The following VSX2 variants were observed in gnomAD, a reference collection of about 807,000 sequenced individuals.
VSX2 encodes the protein visual system homeobox 2.
Under a neutral mutation model 32.1 loss-of-function variants are expected in VSX2, and 28 were observed. That is an observed-to-expected ratio of 0.87 (90% CI 0.65 to 1.20). VSX2 has a LOEUF of 1.20. VSX2 is among the 50% of genes most tolerant of loss of function. The pLI, the probability that VSX2 is intolerant of heterozygous loss-of-function variation, is 0.00. For synonymous variants in VSX2, 243 were observed against 214.1 expected, an observed-to-expected ratio of 1.14 and a Z score of -1.18; for missense variants, 506 against 488.7, an observed-to-expected ratio of 1.04 and a Z score of -0.33.
At chr14:74,241,351 T>G in intron 2 of VSX2, 85 bp downstream of exon 2, 2 of 1,448,920 alleles carry the variant, frequency 1.4e-6, no homozygotes, top group South Asian at 2.3e-5. Context: ...TCGGACCCTA[T>G]TTTCGCCGAC....
In VSX2 at chr14:74,261,472, A is replaced by G. The variant is rs1457338933; in HGVS notation, c.*553A>G. On this transcript the variant is annotated 3_prime_UTR_variant, in exon 5 of 5. Transcript: ENST00000261980. ...GCCTGGGCTTCCACAGTGTGAAGACACTGTGCAGGCCCAGGCAGGCCCAGC... is the reference window on the plus strand; with the variant it reads ...GCCTGGGCTTCCACAGTGTGAAGACGCTGTGCAGGCCCAGGCAGGCCCAGC... 6.3e-6 allele frequency: 1 copy of G among 159,080 alleles called. No individual in the cohort carries two copies. The highest frequency in any genetic ancestry group is 2.4e-5 in the African/African-American group (1 of 41,542). The allele number at this position is 159,080 out of a possible 1,614,324, so 9.9% of individuals were successfully genotyped here. A position where few individuals can be genotyped will look rare whatever the true frequency, so the allele number is the denominator to read the frequency against.
chr14:74,256,969 A>C (rs771313580), intron 3 of VSX2, among the ~76,000 whole-genome samples: 43 of 152,166 alleles, frequency 2.8e-4, no homozygotes, highest in Non-Finnish European at 5.4e-4. Context: ...CCACTGCGCC[A>C]GGCCGGGAGT....
At chr14:74,248,361 C>CAAAAAA (rs1491196982) in intron 3 of VSX2, among the ~76,000 whole-genome samples, 3 of 132,796 alleles carry the variant, frequency 2.3e-5, no homozygotes, top group East Asian at 5.4e-4. Flanking sequence ...ACAAAAAAAA[C>CAAAAAA]CAAAAACGAG....
chr14:74,257,275 C>T (rs1448384560), intron 3 of VSX2, among the ~76,000 whole-genome samples: 1 of 152,246 alleles, frequency 6.6e-6, no homozygotes, highest in African/African-American at 2.4e-5. Flanking sequence ...CTTCGGATTA[C>T]ACAAACCCTT....
At chr14:74,241,155 C>A in intron 1 of VSX2, 27 bp from the exon 2 acceptor site, 2 of 1,610,242 alleles carry the variant, frequency 1.2e-6, no homozygotes, top group Non-Finnish European at 1.7e-6. Flanking sequence ...CCCCACTCTG[C>A]CGCATGTCCC....
rs760147162 is a variant in VSX2 at position 74,259,647 on chromosome 14, T to G, written c.625T>G (p.Cys209Gly). 1.7e-5 allele frequency: 28 copies of G among 1,614,042 alleles called. No individual in the cohort carries two copies. Among genetic ancestry groups the G allele is most frequent in the Non-Finnish European group, 2.2e-5 (26 of 1,180,016 alleles). Residue 209 changes from cysteine (C) to glycine (G), a missense_variant, in exon 4 of 5, where the codon TGC (cysteine) becomes GGC (glycine). By Grantham distance (159) the Cys-to-Gly change is radical. Transcript: ENST00000261980. The stretch of plus-strand genomic sequence containing the variant: ...AGCCAAGTGGAGGAAGCGGGAGAAG[T>G]GCTGGGGCCGGAGCAGTGTCATGGC... ...RRAKWRKREK[C>G]WGRSSVMAEY...
At position 74,260,860 on chromosome 14, in the gene VSX2, A is replaced by G. The variant is rs1278970407; in HGVS notation, c.1027A>G (p.Met343Val). Residue 343 changes from methionine to valine, a missense_variant, in exon 5 of 5, where the codon ATG becomes GTG. Transcript: ENST00000261980. ...CGAGAAGCCAGAGGAGGAGGAGGCC[A>G]TGGATGAAGACAGGCCGGCGGAGAG... ...STEKPEEEEAMDEDRPAERLS... is the reference protein window; with the variant it reads ...STEKPEEEEAVDEDRPAERLS... 3 of 1,568,634 alleles carry G rather than the reference A, an allele frequency of 1.9e-6. No individual in the cohort carries two copies. Among genetic ancestry groups the G allele is most frequent in the South Asian group, 2.3e-5 (2 of 85,182 alleles).
chr14:74,250,727 C>A (rs772073866), intron 3 of VSX2, among the ~76,000 whole-genome samples: 18 of 151,704 alleles, frequency 1.2e-4, no homozygotes, highest in Non-Finnish European at 1.3e-4. Context: ...CGGCTCATTG[C>A]AACCTCCGCC....
chr14:74,240,137 T>C (rs1241264838), intron 1 of VSX2, among the ~76,000 whole-genome samples: 1 of 152,170 alleles, frequency 6.6e-6, no homozygotes, highest in East Asian at 1.9e-4. Flanking sequence ...CCCCAAGCGT[T>C]TCGGGCGGCC....
chr14:74,239,977 C>T, intron 1 of VSX2, 46 bp downstream of exon 1: 1 of 1,539,576 alleles, frequency 6.5e-7, no homozygotes. Flanking sequence ...GGGGCGACAG[C>T]CGGGAGCCCC....
intron 3 of VSX2, among the ~76,000 whole-genome samples, chr14:74,246,965 G>A (rs1000699404): frequency 6.6e-6 from 1 of 152,096 alleles, no homozygotes; most frequent in Non-Finnish European, 1.5e-5. Context: ...TAAGTTGCTT[G>A]GGGGTTGCCT....
rs1184273664 is a variant in VSX2 at position 74,239,705 on chromosome 14, C to T, written c.144C>T (p.His48=). The T allele has an allele frequency of 6.5e-7, 1 of 1,549,780 alleles. No homozygotes were observed. The highest frequency in any genetic ancestry group is 8.7e-7 in the Non-Finnish European group (1 of 1,146,804). The change falls in exon 1 of 5, where the codon CAC becomes CAT. Residue 48 remains histidine (H), a synonymous_variant. Transcript: ENST00000261980. The part of the protein sequence containing the change: ...LGLNKEPPSS[H]PRAALDGLAP... ...TGAACAAGGAGCCCCCGAGCTCCCA[C>T]CCGCGGGCAGCGCTCGACGGCCTGG...
chr14:74,254,070 A>G (rs11846356), intron 3 of VSX2, among the ~76,000 whole-genome samples: 94,526 of 152,106 alleles, frequency 0.62, 31,896 homozygotes, highest in East Asian at 0.93. Flanking sequence ...GGCACTGTGT[A>G]GGTGTTCCCC....
In VSX2 at chr14:74,241,441, G is replaced by C. The variant is rs11621203; in HGVS notation, c.455+175G>C. On this transcript the variant is annotated intron_variant, in intron 2 of 4. Coordinates refer to ENST00000261980, the MANE Select transcript of VSX2 (RefSeq NM_182894.3). ...GAATCTGCCCGGGGGCCTTGGCGTC[G>C]GCACCGGTTGAGCAGGATGAGTGGC... Among the ~76,000 whole-genome samples the C allele has an allele frequency of 0.8, 122,195 of 152,240 alleles. 49,555 individuals carry two copies. The highest frequency in any genetic ancestry group is 0.88 in the Admixed American group (13,422 of 15,298).
At chr14:74,245,589 G>T (rs1023660747) in intron 3 of VSX2, among the ~76,000 whole-genome samples, 1 of 152,088 alleles carries the variant, frequency 6.6e-6, no homozygotes, top group African/African-American at 2.4e-5. Flanking sequence ...AGGGGCCCCC[G>T]GTCCTGGGCA....
chr14:74,243,992 C>T (rs886935673), intron 2 of VSX2, among the ~76,000 whole-genome samples: 15 of 152,122 alleles, frequency 9.9e-5, no homozygotes, highest in African/African-American at 3.6e-4. Context: ...GACTATATTG[C>T]CTGTTGGCTT....
chr14:74,244,900 GTGT>G (rs2079174610), intron 2 of VSX2, among the ~76,000 whole-genome samples: 1 of 70,880 alleles, frequency 1.4e-5, no homozygotes, highest in East Asian at 4.2e-4. Context: ...GTGTGTGTGT[GTGT>G]GTGTGTGTGT....
intron 3 of VSX2, among the ~76,000 whole-genome samples, chr14:74,257,570 C>T (rs1422083117): frequency 6.6e-6 from 1 of 152,210 alleles, no homozygotes; most frequent in African/African-American, 2.4e-5. Flanking sequence ...GTTCTGTGAC[C>T]TCCGTGGGAT....
chr14:74,247,440 G>A (rs1040899444), intron 3 of VSX2, among the ~76,000 whole-genome samples: 4 of 152,140 alleles, frequency 2.6e-5, no homozygotes, highest in Admixed American at 2.6e-4. Context: ...TTGTGTGGAG[G>A]TAATGAGCCA....
Sources: allele counts gnomAD v4.1 joint callset (sites outside exome capture counted in the v4.1 genomes callset), GRCh38; gene constraint gnomAD v4.1.1; transcripts MANE v1.5; gene names NCBI Gene and HGNC (gene_info 2026-07-23, HGNC 2026-07-21).